Variants in SLC43A3 observed in about 807,000 individuals in gnomAD.
SLC43A3 encodes equilibrative nucleobase transporter 1.
SLC43A3 carries 33 observed loss-of-function variants against 53.3 expected under a neutral mutation model. The observed-to-expected ratio is 0.62, with a 90% CI of 0.47 to 0.83. The LOEUF (loss-of-function observed/expected upper bound fraction) is 0.83. SLC43A3 is among the 40% of genes least tolerant of loss of function. The pLI, the probability that SLC43A3 is intolerant of heterozygous loss-of-function variation, is 0.00. For synonymous variants in SLC43A3, 236 were observed against 246.2 expected (o/e 0.96, Z 0.39); for missense variants, 530 against 610.0 (o/e 0.87, Z 1.38).
Position 57,409,350 on chromosome 11 carries a change from A to T in SLC43A3, c.1248-52T>A, listed in dbSNP as rs763429441. ...AGTGAGCTTCAGGGACCCTCCCTCC[A>T]AGCAGAAGCCTGGCCTCTGGGGGCT... is the stretch of plus-strand genomic sequence containing the variant. On this transcript the variant is annotated intron_variant, in intron 12 of 13. Transcript: ENST00000395124. 9.3e-6 allele frequency: 15 copies of T among 1,609,384 alleles called. No individual in the cohort carries two copies. The South Asian group carries it at 1.7e-4, about 18-fold the overall frequency.
intron 12 of SLC43A3, 88 bp downstream of exon 12, chr11:57,409,847 C>T: frequency 7.6e-7 from 1 of 1,320,194 alleles, no homozygotes; most frequent in Non-Finnish European, 1.0e-6. Flanking sequence ...TGCCTCCAGG[C>T]CCCGCCTTGC....
chr11:57,414,733 T>G lies in SLC43A3; in HGVS notation c.944-2A>C. On this transcript the variant is annotated splice_acceptor_variant, in intron 10 of 13. Coordinates refer to ENST00000395124, the MANE Select transcript of SLC43A3 (RefSeq NM_199329.3). LOFTEE classifies it high-confidence loss of function. Reference sequence around the variant, plus strand: ...CAAAGGCATTTGTGTAGGTGCTGACTGCAGAAGGAAGAGAGAGGTTGGTTG... The same window carrying G: ...CAAAGGCATTTGTGTAGGTGCTGACGGCAGAAGGAAGAGAGAGGTTGGTTG... 1 of 1,611,832 alleles carries G rather than the reference T, an allele frequency of 6.2e-7. No homozygotes were observed. The highest frequency in any genetic ancestry group is 2.2e-5 in the East Asian group (1 of 44,862).
intron 7 of SLC43A3, among the ~76,000 whole-genome samples, chr11:57,419,733 T>A (rs536640459): frequency 6.6e-6 from 1 of 150,964 alleles, no homozygotes; most frequent in Non-Finnish European, 1.5e-5. Flanking sequence ...TAGGCAGAGA[T>A]TGCAGTGAGC....
chr11:57,409,016 CCA>C (rs1942330160), intron 13 of SLC43A3, among the ~76,000 whole-genome samples, 157 bp downstream of exon 13: 1 of 152,172 alleles, frequency 6.6e-6, no homozygotes, highest in Admixed American at 6.5e-5. Flanking sequence ...GTCTGTTTCC[CCA>C]CACACACAAA....
intron 11 of SLC43A3, among the ~76,000 whole-genome samples, chr11:57,411,865 A>G (rs1942491176): frequency 6.6e-6 from 1 of 152,196 alleles, no homozygotes; most frequent in South Asian, 2.1e-4. Context: ...GTGTATGTAC[A>G]TTTACATATG....
intron 11 of SLC43A3, among the ~76,000 whole-genome samples, chr11:57,414,014 C>T (rs956994496): frequency 6.6e-6 from 1 of 152,200 alleles, no homozygotes; most frequent in African/African-American, 2.4e-5. Context: ...CCCCCATGGC[C>T]CCCTGTGGGT....
chr11:57,416,503 T>C, intron 9 of SLC43A3, 70 bp downstream of exon 9: 1 of 1,236,866 alleles, frequency 8.1e-7, no homozygotes, highest in Non-Finnish European at 1.2e-6. Flanking sequence ...GCTCTGGAGG[T>C]GAGGGGCCAG....
rs1450195758 is a variant in SLC43A3, at chr11:57,425,658, T to C, written c.197A>G (p.Gln66Arg). 6.8e-6 allele frequency: 11 copies of C among 1,614,152 alleles called. No homozygotes were observed. ...NATGQADCKA[Q>R]DERFSLIFTL... ...GAAGATGAGTGAGAACCTCTCATCCTGGGCTTTGCAGTCTGGAGTAGAAAA... is the reference window on the plus strand; with the variant it reads ...GAAGATGAGTGAGAACCTCTCATCCCGGGCTTTGCAGTCTGGAGTAGAAAA... Residue 66 changes from glutamine to arginine, a missense_variant, in exon 4 of 14, where the codon CAG (glutamine) becomes CGG (arginine). By Grantham distance (43) the Gln-to-Arg change is conservative. Coordinates refer to ENST00000395124, the MANE Select transcript of SLC43A3 (RefSeq NM_199329.3).
At chr11:57,414,832 C>A in intron 10 of SLC43A3, 101 bp from the exon 11 acceptor site, 1 of 1,539,974 alleles carries the variant, frequency 6.5e-7, no homozygotes, top group Non-Finnish European at 9.0e-7. Flanking sequence ...CCCTCCTCCC[C>A]ACACCATCAG....
chr11:57,408,224 A>T (rs1942287902), intron 13 of SLC43A3: 1 of 226,284 alleles, frequency 4.4e-6, no homozygotes. Flanking sequence ...GCTGATTACT[A>T]GGTCACCTGA....
chr11:57,409,057 C>A (rs1483940345), intron 13 of SLC43A3, 118 bp downstream of exon 13: 5 of 1,005,460 alleles, frequency 5.0e-6, no homozygotes, highest in Admixed American at 3.8e-5. Context: ...TTGAATAACA[C>A]AGACCCTTTG....
In SLC43A3 at chr11:57,410,129, A is replaced by C; in HGVS notation, c.1061-8T>G. The stretch of plus-strand genomic sequence containing the variant: ...CCGCCAAAGTGGAGGAACCTGGGCG[A>C]ACAGAGAGGAAAAAGAAGCTCTCTG... On this transcript the variant is annotated splice_region_variant and splice_polypyrimidine_tract_variant and intron_variant, in intron 11 of 13. Transcript: ENST00000395124. 6.3e-7 allele frequency: 1 copy of C among 1,578,646 alleles called. No homozygotes were observed. Among genetic ancestry groups the C allele is most frequent in the Non-Finnish European group, 8.6e-7 (1 of 1,164,362 alleles).
At chr11:57,409,806 CT>C (rs1942369127) in intron 12 of SLC43A3, 128 bp downstream of exon 12, 5 of 842,244 alleles carry the variant, frequency 5.9e-6, no homozygotes, top group Non-Finnish European at 9.2e-6. Context: ...CCCTCCACAC[CT>C]GCCCCCAAAC....
intron 9 of SLC43A3, chr11:57,415,338 A>T (rs749697048): frequency 1.3e-6 from 2 of 1,503,508 alleles, no homozygotes; most frequent in Non-Finnish European, 1.8e-6. Flanking sequence ...TCTCTATTGA[A>T]ATCCGATCTG....
intron 4 of SLC43A3, 36 bp from the exon 5 acceptor site, chr11:57,424,064 A>G: frequency 1.9e-6 from 3 of 1,603,146 alleles, no homozygotes; most frequent in Non-Finnish European, 2.6e-6. Context: ...AATATTGTCA[A>G]GGAGGGAGAA....
intron 7 of SLC43A3, among the ~76,000 whole-genome samples, 174 bp downstream of exon 7, chr11:57,420,798 C>T (rs535286600): frequency 1.2e-4 from 19 of 152,366 alleles, no homozygotes; most frequent in Non-Finnish European, 2.6e-4. Flanking sequence ...TGGCTACTAG[C>T]TGCAGAACCT....
intron 3 of SLC43A3, 120 bp downstream of exon 3, chr11:57,425,869 C>T (rs1005927739): frequency 1.5e-5 from 20 of 1,329,138 alleles, no homozygotes; most frequent in African/African-American, 2.9e-5. Context: ...GGGGTGAGAG[C>T]TGCTGACCCT....
chr11:57,417,449 T>C (rs934911172), intron 8 of SLC43A3, among the ~76,000 whole-genome samples: 3 of 152,198 alleles, frequency 2.0e-5, no homozygotes, highest in African/African-American at 7.2e-5. Context: ...GAGGCCATCC[T>C]AGCATAGCCA....
In SLC43A3 at chr11:57,410,133, G is replaced by C. The variant is rs765536298; in HGVS notation, c.1061-12C>G. 27 of 1,575,786 alleles carry C rather than the reference G, an allele frequency of 1.7e-5. No homozygotes were observed. Among genetic ancestry groups the C allele is most frequent in the Admixed American group, 7.8e-5 (4 of 51,260 alleles). ...CAAAGTGGAGGAACCTGGGCGAACA[G>C]AGAGGAAAAAGAAGCTCTCTGTAGG... is the stretch of plus-strand genomic sequence containing the variant. On this transcript the variant is annotated splice_polypyrimidine_tract_variant and intron_variant, in intron 11 of 13. Coordinates refer to ENST00000395124, the MANE Select transcript of SLC43A3 (RefSeq NM_199329.3).
Sources: gnomAD v4.1 joint callset for allele counts (sites outside exome capture counted in the v4.1 genomes callset) on GRCh38, gnomAD v4.1.1 for gene constraint, MANE v1.5 for transcripts, NCBI Gene and HGNC (gene_info 2026-07-23, HGNC 2026-07-21) for gene names.